The following TCERG1L variants were observed in gnomAD, a reference collection of about 807,000 sequenced individuals.
TCERG1L encodes transcription elongation regulator 1 like, also known as transcription elongation regulator 1-like protein.
TCERG1L carries 37 observed loss-of-function variants against 56.3 expected under a neutral mutation model. That is an observed-to-expected ratio of 0.66 (90% confidence interval 0.51 to 0.87). The LOEUF (loss-of-function observed/expected upper bound fraction) is 0.87. Among genes scored for constraint, TCERG1L ranks in the 40% least tolerant of loss-of-function variants. The pLI, the probability that TCERG1L is intolerant of heterozygous loss-of-function variation, is 0.00. For missense variants in TCERG1L, 799 were observed against 774.2 expected, an observed-to-expected ratio of 1.03 and a Z score of -0.38; for synonymous variants, 324 against 326.3, an observed-to-expected ratio of 0.99 and a Z score of 0.08.
intron 6 of TCERG1L, among the ~76,000 whole-genome samples, chr10:131,155,063 C>T (rs552834833): frequency 6.6e-6 from 1 of 152,174 alleles, no homozygotes; most frequent in Non-Finnish European, 1.5e-5. Flanking sequence ...TCCCCTACTT[C>T]CTCCTTTGAG....
At chr10:131,199,282 C>G (rs960392122) in intron 4 of TCERG1L, among the ~76,000 whole-genome samples, 1 of 152,214 alleles carries the variant, frequency 6.6e-6, no homozygotes, top group African/African-American at 2.4e-5. Context: ...CCTGGCCAGA[C>G]AGAGGATGTT....
intron 9 of TCERG1L, among the ~76,000 whole-genome samples, chr10:131,107,956 TAC>T (rs59364659): frequency 0.059 from 8,718 of 146,604 alleles, 255 homozygotes; most frequent in East Asian, 0.11. Context: ...CATGTGTGCC[TAC>T]ACACACACAC....
At chr10:131,176,916 ATACAT>A (rs1415317821) in intron 4 of TCERG1L, among the ~76,000 whole-genome samples, 7 of 152,140 alleles carry the variant, frequency 4.6e-5, no homozygotes, top group African/African-American at 1.4e-4. Context: ...ACACACCAAG[ATACAT>A]GCACACAGAC....
chr10:131,224,601 C>A (rs1366515470), intron 4 of TCERG1L, among the ~76,000 whole-genome samples: 1 of 152,154 alleles, frequency 6.6e-6, no homozygotes, highest in Non-Finnish European at 1.5e-5. Context: ...CAGGGCTGGA[C>A]TAAGCTGTGC....
intron 5 of TCERG1L, among the ~76,000 whole-genome samples, chr10:131,166,241 C>T (rs1441031090): frequency 6.6e-6 from 1 of 152,202 alleles, no homozygotes; most frequent in Non-Finnish European, 1.5e-5. Context: ...AACTGAGTCC[C>T]ACCAGCGTCT....
At chr10:131,144,353 C>T (rs1046588764) in intron 7 of TCERG1L, among the ~76,000 whole-genome samples, 2 of 152,284 alleles carry the variant, frequency 1.3e-5, no homozygotes, top group Non-Finnish European at 2.9e-5. Context: ...CGAGCCGCGA[C>T]GAACGATCGG....
intron 3 of TCERG1L, among the ~76,000 whole-genome samples, chr10:131,296,464 C>T (rs1400789295): frequency 2.6e-5 from 4 of 152,126 alleles, no homozygotes; most frequent in Admixed American, 1.3e-4. Context: ...TGGTCTACTA[C>T]GATGTTCTAT....
intron 3 of TCERG1L, among the ~76,000 whole-genome samples, chr10:131,261,320 G>A (rs918103557): frequency 1.3e-5 from 2 of 152,222 alleles, no homozygotes; most frequent in Admixed American, 6.5e-5. Context: ...GGCCAGCTCT[G>A]GACAGCAATT....
chr10:131,147,545 T>C (rs916082329), intron 6 of TCERG1L, among the ~76,000 whole-genome samples: 3 of 152,208 alleles, frequency 2.0e-5, no homozygotes, highest in African/African-American at 7.2e-5. Flanking sequence ...CTATTAGAGA[T>C]TGAGGCCTGT....
intron 6 of TCERG1L, 90 bp from the exon 7 acceptor site, chr10:131,146,750 A>C: frequency 4.2e-6 from 6 of 1,437,284 alleles, no homozygotes; most frequent in South Asian, 1.5e-5. Flanking sequence ...AAAGCCCCTC[A>C]GGACCGAAAT....
chr10:131,154,531 A>T (rs1030099836), intron 6 of TCERG1L, among the ~76,000 whole-genome samples: 1 of 152,170 alleles, frequency 6.6e-6, no homozygotes, highest in South Asian at 2.1e-4. Flanking sequence ...GCCGCACCCA[A>T]TGCCCTTTGC....
intron 4 of TCERG1L, among the ~76,000 whole-genome samples, chr10:131,174,239 G>A (rs1195785758): frequency 1.3e-5 from 2 of 152,306 alleles, no homozygotes; most frequent in Non-Finnish European, 1.5e-5. Flanking sequence ...CCAGCACTGG[G>A]GCAGGAGGGT....
intron 4 of TCERG1L, among the ~76,000 whole-genome samples, chr10:131,170,415 G>T (rs547996374): frequency 6.6e-6 from 1 of 152,140 alleles, no homozygotes; most frequent in East Asian, 1.9e-4. Flanking sequence ...AAGTACTTCG[G>T]GGAGCATGCA....
chr10:131,208,000 A>G (rs1259646408), intron 4 of TCERG1L, among the ~76,000 whole-genome samples: 1 of 152,116 alleles, frequency 6.6e-6, no homozygotes, highest in Non-Finnish European at 1.5e-5. Context: ...CACTTCCACA[A>G]TGAGCCAACC....
intron 3 of TCERG1L, among the ~76,000 whole-genome samples, chr10:131,307,963 AT>A (rs903718600): frequency 6.6e-6 from 1 of 152,100 alleles, no homozygotes; most frequent in Non-Finnish European, 1.5e-5. Context: ...TGCAAATACA[AT>A]TCTGTGAAAA....
chr10:131,242,856 C>A (rs1845988422), intron 4 of TCERG1L, among the ~76,000 whole-genome samples: 1 of 152,128 alleles, frequency 6.6e-6, no homozygotes, highest in Non-Finnish European at 1.5e-5. Flanking sequence ...ACTAGAAAAT[C>A]TGGTGGTCCC....
chr10:131,219,581 G>A (rs538597238), intron 4 of TCERG1L, among the ~76,000 whole-genome samples: 1 of 152,332 alleles, frequency 6.6e-6, no homozygotes, highest in East Asian at 1.9e-4. Context: ...GCGGGCTGCA[G>A]TGCAAGGAGG....
intron 6 of TCERG1L, among the ~76,000 whole-genome samples, chr10:131,152,025 G>A (rs887122217): frequency 2.6e-5 from 4 of 152,122 alleles, no homozygotes; most frequent in Non-Finnish European, 4.4e-5. Flanking sequence ...CACAGAGCAG[G>A]GTGACCCTCC....
At chr10:131,120,369 C>A (rs1288834668) in intron 8 of TCERG1L, among the ~76,000 whole-genome samples, 11 of 152,198 alleles carry the variant, frequency 7.2e-5, no homozygotes, top group Admixed American at 7.2e-4. Flanking sequence ...CTTTAATGAT[C>A]CATCTGAGGC....
Sources: allele counts gnomAD v4.1 joint callset (sites outside exome capture counted in the v4.1 genomes callset), GRCh38; gene constraint gnomAD v4.1.1; transcripts MANE v1.5; gene names NCBI Gene and HGNC (gene_info 2026-07-23, HGNC 2026-07-21).